MAMDC2: variants seen among roughly 807,000 people sequenced by gnomAD.
The protein encoded by MAMDC2 is MAM domain containing 2.
MAMDC2 carries 57 observed loss-of-function variants against 89.8 expected under a neutral mutation model. The ratio of observed to expected loss-of-function variants is 0.63; its 90% CI spans 0.51 to 0.79. The LOEUF (loss-of-function observed/expected upper bound fraction) is 0.79, where lower values mean the gene tolerates loss of function less well. Ranked by LOEUF, MAMDC2 falls within the 30% of genes least tolerant of loss-of-function variation. The pLI is 0.00. For missense variants in MAMDC2, 800 were observed against 820.6 expected (o/e 0.97, Z 0.31); for synonymous variants, 313 against 293.4 (o/e 1.07, Z -0.68).
chr9:70,072,511 G>A (rs1029672875), intron 2 of MAMDC2, among the ~76,000 whole-genome samples: 60 of 152,208 alleles, frequency 3.9e-4, no homozygotes, highest in African/African-American at 1.0e-3. Context: ...ACTTATCAAT[G>A]TTTTCTATAT....
chr9:70,203,182 A>C (rs900924191), intron 11 of MAMDC2, among the ~76,000 whole-genome samples: 1 of 152,024 alleles, frequency 6.6e-6, no homozygotes, highest in Non-Finnish European at 1.5e-5. Flanking sequence ...ATGATTTTGC[A>C]GCGGCTGGTA....
intron 2 of MAMDC2, among the ~76,000 whole-genome samples, chr9:70,064,539 C>T (rs977007793): frequency 4.6e-5 from 7 of 152,080 alleles, no homozygotes; most frequent in Non-Finnish European, 7.4e-5. Flanking sequence ...TCTGAAACTG[C>T]GTTTGCACTT....
At chr9:70,119,416 G>C (rs2030183070) in intron 5 of MAMDC2, among the ~76,000 whole-genome samples, 1 of 152,176 alleles carries the variant, frequency 6.6e-6, no homozygotes, top group Non-Finnish European at 1.5e-5. Context: ...ATGAGCAAGA[G>C]TCATTTTAAC....
chr9:70,116,821 C>T (rs1024811837), intron 5 of MAMDC2, among the ~76,000 whole-genome samples: 6 of 152,072 alleles, frequency 3.9e-5, no homozygotes, highest in African/African-American at 1.4e-4. Flanking sequence ...CCTTGAGAAG[C>T]ACTAAGACTT....
chr9:70,180,598 C>T (rs2032624893), intron 11 of MAMDC2, among the ~76,000 whole-genome samples: 1 of 152,168 alleles, frequency 6.6e-6, no homozygotes, highest in South Asian at 2.1e-4. Flanking sequence ...TTTTGATTTG[C>T]ATTTCTCTAA....
At chr9:70,215,896 C>G (rs1477620581) in intron 11 of MAMDC2, among the ~76,000 whole-genome samples, 1 of 152,104 alleles carries the variant, frequency 6.6e-6, no homozygotes, top group Non-Finnish European at 1.5e-5. Context: ...TTTTAATAAA[C>G]TTATAGAACT....
At chr9:70,055,041 C>T (rs186218560) in intron 2 of MAMDC2, among the ~76,000 whole-genome samples, 145 of 152,148 alleles carry the variant, frequency 9.5e-4, no homozygotes, top group Non-Finnish European at 1.6e-3. Context: ...CTTAGCGAGA[C>T]CCTGTCTCTT....
intron 5 of MAMDC2, among the ~76,000 whole-genome samples, chr9:70,114,308 T>A (rs1300826855): frequency 6.7e-6 from 1 of 148,542 alleles, no homozygotes; most frequent in Non-Finnish European, 1.5e-5. Context: ...GTGCAAAGGT[T>A]ACTTGGCTCC....
intron 2 of MAMDC2, chr9:70,081,652 A>G (rs1986412): frequency 0.18 from 28,081 of 151,978 alleles, 3,641 homozygotes; most frequent in African/African-American, 0.37. Context: ...TGCCTTACAA[A>G]TTCTCAGTCT....
chr9:70,119,942 C>G (rs1587488477), intron 5 of MAMDC2, among the ~76,000 whole-genome samples: 2 of 152,304 alleles, frequency 1.3e-5, no homozygotes, highest in Non-Finnish European at 2.9e-5. Flanking sequence ...AATGGGGGAT[C>G]CCACTTTAGT....
intron 11 of MAMDC2, among the ~76,000 whole-genome samples, chr9:70,199,463 G>C (rs2033051226): frequency 6.7e-6 from 1 of 149,796 alleles, no homozygotes; most frequent in Non-Finnish European, 1.5e-5. Flanking sequence ...TTGGACATTT[G>C]GGTTGGTTCC....
chr9:70,157,817 A>G (rs1481821873), intron 9 of MAMDC2: 1 of 152,474 alleles, frequency 6.6e-6, no homozygotes, highest in East Asian at 1.9e-4. Context: ...TACATTTAAA[A>G]TAAATATATA....
chr9:70,163,974 A>AG (rs1206789516), intron 9 of MAMDC2, among the ~76,000 whole-genome samples: 3 of 150,772 alleles, frequency 2.0e-5, no homozygotes, highest in Non-Finnish European at 4.4e-5. Flanking sequence ...AAAAAAAAAA[A>AG]TCCAACTCCG....
chr9:70,187,854 C>T (rs141561001), intron 11 of MAMDC2, among the ~76,000 whole-genome samples: 4 of 152,234 alleles, frequency 2.6e-5, no homozygotes, highest in East Asian at 1.9e-4. Context: ...TATTTGTGAA[C>T]AACTTTTTCT....
intron 2 of MAMDC2, among the ~76,000 whole-genome samples, chr9:70,097,416 C>T (rs556736590): frequency 3.3e-5 from 5 of 152,148 alleles, no homozygotes; most frequent in Admixed American, 6.5e-5. Flanking sequence ...ACTGAGAACA[C>T]CGAAAATTCA....
intron 11 of MAMDC2, among the ~76,000 whole-genome samples, chr9:70,209,917 T>G (rs897794514): frequency 6.6e-6 from 1 of 152,220 alleles, no homozygotes; most frequent in African/African-American, 2.4e-5. Flanking sequence ...AGGAGCAGGT[T>G]GTTCAGTTTC....
At chr9:70,155,517 C>T (rs1320527502) in intron 9 of MAMDC2, among the ~76,000 whole-genome samples, 1 of 152,192 alleles carries the variant, frequency 6.6e-6, no homozygotes, top group African/African-American at 2.4e-5. Context: ...AAATTATTCC[C>T]TCTCTCGTAA....
intron 10 of MAMDC2, 104 bp downstream of exon 10, chr9:70,168,899 C>A: frequency 1.0e-6 from 1 of 968,238 alleles, no homozygotes; most frequent in Non-Finnish European, 1.6e-6. Flanking sequence ...CCATCCTTTG[C>A]TTTTGTTGAC....
At chr9:70,056,784 C>T (rs779969287) in intron 2 of MAMDC2, among the ~76,000 whole-genome samples, 8 of 152,126 alleles carry the variant, frequency 5.3e-5, no homozygotes, top group Non-Finnish European at 8.8e-5. Context: ...CAGCCACTCC[C>T]CATCACTTGC....
Sources: allele counts gnomAD v4.1 joint callset (sites outside exome capture counted in the v4.1 genomes callset), GRCh38; gene constraint gnomAD v4.1.1; transcripts MANE v1.5; gene names NCBI Gene and HGNC (gene_info 2026-07-23, HGNC 2026-07-21).